SBNO2: variants seen among roughly 807,000 people sequenced by gnomAD.
SBNO2 encodes the protein strawberry notch homolog 2, also known as protein strawberry notch homolog 2.
Under a neutral mutation model 146.3 loss-of-function variants are expected in SBNO2, and 89 were observed. That is an observed-to-expected ratio of 0.61 (90% CI 0.51 to 0.73). The LOEUF (loss-of-function observed/expected upper bound fraction) is 0.73, where lower values mean the gene tolerates loss of function less well. SBNO2 is among the 30% of genes least tolerant of loss of function. The pLI is 0.00. For missense variants in SBNO2, 2,092 were observed against 2,003.7 expected (o/e 1.04, Z -0.84); for synonymous variants, 1,147 against 892.6 (o/e 1.29, Z -5.08).
rs1329975737 is a variant in SBNO2 at position 1,114,377 on chromosome 19, T to G, written c.1931A>C (p.Glu644Ala). The G allele has an allele frequency of 6.4e-7, 1 of 1,554,272 alleles. No homozygotes were observed. Among genetic ancestry groups the G allele is most frequent in the Admixed American group, 1.9e-5 (1 of 51,930 alleles). Residue 644 changes from glutamate to alanine, a missense_variant, in exon 18 of 32, where the codon GAG (glutamate) becomes GCG (alanine). By Grantham distance (107) the Glu-to-Ala change is moderately radical. Transcript: ENST00000361757. The part of the protein sequence containing the change: ...RGAKAPRLAC[E>A]TAGVIRISDD... Reference sequence around the variant, plus strand: ...ACTGATGCGGATGACGCCCGCTGTCTCGCACGCCAGCCGGGGGGCTTTGGC... The same window carrying G: ...ACTGATGCGGATGACGCCCGCTGTCGCGCACGCCAGCCGGGGGGCTTTGGC...
chr19:1,169,495 C>T (rs1456701777), intron 1 of SBNO2, among the ~76,000 whole-genome samples: 5 of 152,220 alleles, frequency 3.3e-5, no homozygotes, highest in Admixed American at 2.6e-4. Flanking sequence ...CCAAGAGCCC[C>T]GTAGGGCCCC....
chr19:1,164,867 GA>G (rs2080394764), intron 1 of SBNO2, among the ~76,000 whole-genome samples: 1 of 115,508 alleles, frequency 8.7e-6, no homozygotes, highest in Non-Finnish European at 1.8e-5. Context: ...GGAGGAGGAG[GA>G]ACAGGAGGAG....
Position 1,144,937 on chromosome 19 carries a change from G to GAGAGGGAGACAGAGACAA in SBNO2, c.279+2354_279+2371dup, listed in dbSNP as rs1474569625. Among the ~76,000 whole-genome samples, 1 of 151,018 alleles carries GAGAGGGAGACAGAGACAA rather than the reference G, an allele frequency of 6.6e-6. No homozygotes were observed. Among genetic ancestry groups the GAGAGGGAGACAGAGACAA allele is most frequent in the Non-Finnish European group, 1.5e-5 (1 of 67,770 alleles). ...AGACAGAGACAGAGAGACAGAGACA[G>GAGAGGGAGACAGAGACAA]AGAGGGAGACAGAGACAAAGAGGGA... On this transcript the variant is annotated intron_variant, in intron 4 of 31. Coordinates refer to ENST00000361757, the MANE Select transcript of SBNO2 (RefSeq NM_014963.3). The surrounding 1 kb of genome is among the most constrained non-coding windows in gnomAD (Gnocchi z 4.1).
chr19:1,110,907 A>G lies in SBNO2; in HGVS notation c.2885-19T>C. On this transcript the variant is annotated intron_variant, in intron 25 of 31. Transcript: ENST00000361757. This position sits in a 1 kb window ranked among gnomAD's most constrained non-coding sequence, Gnocchi z 4.9. ...GAACAGTCTGGTAGGGGAGGGAGCCAAGCCTCAGGCTGCGCTGGGAATCCC... is the reference window on the plus strand; with the variant it reads ...GAACAGTCTGGTAGGGGAGGGAGCCGAGCCTCAGGCTGCGCTGGGAATCCC... 1 of 1,612,598 alleles carries G rather than the reference A, an allele frequency of 6.2e-7. No individual in the cohort carries two copies. Among genetic ancestry groups the G allele is most frequent in the Non-Finnish European group, 8.5e-7 (1 of 1,178,888 alleles).
chr19:1,119,810 G>A (rs567505170), intron 12 of SBNO2, 96 bp downstream of exon 12: 102 of 1,040,894 alleles, frequency 9.8e-5, no homozygotes, highest in Non-Finnish European at 1.3e-4. Context: ...GGGTGCAGAC[G>A]GAGGCTGAGT....
chr19:1,116,938 C>T lies in SBNO2; in HGVS notation c.1705-12G>A. 1 of 1,541,920 alleles carries T rather than the reference C, an allele frequency of 6.5e-7. No homozygotes were observed. The highest frequency in any genetic ancestry group is 8.7e-7 in the Non-Finnish European group (1 of 1,149,426). On this transcript the variant is annotated splice_polypyrimidine_tract_variant and intron_variant, in intron 15 of 31. Transcript: ENST00000361757. ...CCGATGACCACGCACTGTGGGACGG[C>T]AGAGGACTGTGAGCCACCAGCCCTG... is the stretch of plus-strand genomic sequence containing the variant.
intron 4 of SBNO2, among the ~76,000 whole-genome samples, chr19:1,135,014 C>G (rs1199528504): frequency 7.3e-6 from 1 of 137,496 alleles, no homozygotes; most frequent in African/African-American, 2.9e-5. Context: ...CCACTGCACT[C>G]TAGCCTGGGC....
At position 1,126,407 on chromosome 19, in the gene SBNO2, C is replaced by T. The variant is rs1267480993; in HGVS notation, c.441+1197G>A. Among the ~76,000 whole-genome samples the T allele has an allele frequency of 6.6e-6, 1 of 152,166 alleles. No individual in the cohort carries two copies. The highest frequency in any genetic ancestry group is 1.5e-5 in the Non-Finnish European group (1 of 68,022). On this transcript the variant is annotated intron_variant, in intron 5 of 31. Coordinates refer to ENST00000361757, the MANE Select transcript of SBNO2 (RefSeq NM_014963.3). This position sits in a 1 kb window ranked among gnomAD's most constrained non-coding sequence, Gnocchi z 4.4. Reference sequence around the variant, plus strand: ...GCCGGCCACAGCAGGCCGGTCAGGCCCTGGCTTCTTTCCTCACGCCCTGCT... The same window carrying T: ...GCCGGCCACAGCAGGCCGGTCAGGCTCTGGCTTCTTTCCTCACGCCCTGCT...
At chr19:1,127,567 T>C in intron 5 of SBNO2, 37 bp downstream of exon 5, 1 of 1,597,736 alleles carries the variant, frequency 6.3e-7, no homozygotes, top group South Asian at 1.1e-5. Flanking sequence ...GCCACGCTGG[T>C]GGGTCGGGGC....
At position 1,110,182 on chromosome 19, in the gene SBNO2, C is replaced by T. The variant is rs949411097; in HGVS notation, c.3029-405G>A. 5.9e-5 allele frequency among the ~76,000 whole-genome samples: 9 copies of T among 152,050 alleles called. No homozygotes were observed. Among genetic ancestry groups the T allele is most frequent in the African/African-American group, 2.2e-4 (9 of 41,384 alleles). On this transcript the variant is annotated intron_variant, in intron 26 of 31. Coordinates refer to ENST00000361757, the MANE Select transcript of SBNO2 (RefSeq NM_014963.3). This position sits in a 1 kb window ranked among gnomAD's most constrained non-coding sequence, Gnocchi z 4.9. ...AGCAGGCTGTGGGGGATCGTGGGAG[C>T]CTGGTTGGCTGCGGCACTGCTCATG...
chr19:1,124,206 C>T (rs541147464), intron 5 of SBNO2, 184 bp from the exon 6 acceptor site: 20 of 640,718 alleles, frequency 3.1e-5, no homozygotes, highest in Non-Finnish European at 5.5e-5. Context: ...CCTCCCAAGC[C>T]TCCCCAGTGG....
chr19:1,112,762 CCCCTCTGTGCCTCTTGGGT>C lies in SBNO2; in HGVS notation c.2379+37_2379+55del. The C allele has an allele frequency of 2.0e-6, 3 of 1,513,458 alleles. No individual in the cohort carries two copies. Among genetic ancestry groups the C allele is most frequent in the South Asian group, 2.5e-5 (2 of 81,292 alleles). 93.8% of individuals were successfully genotyped at this position (1,513,458 alleles called of 1,614,324 possible). A position where few individuals can be genotyped will look rare whatever the true frequency, so the allele number is the denominator to read the frequency against. On this transcript the variant is annotated intron_variant, in intron 20 of 31. Transcript: ENST00000361757. This position sits in a 1 kb window ranked among gnomAD's most constrained non-coding sequence, Gnocchi z 5.9. The stretch of plus-strand genomic sequence containing the variant: ...TCCACAGTCCCCGGGGACCCTTGGG[CCCCTCTGTGCCTCTTGGGT>C]CCCGTGGGCCGCGCCCAGTGCACTG...
intron 4 of SBNO2, among the ~76,000 whole-genome samples, chr19:1,134,775 C>T (rs1251616631): frequency 1.3e-5 from 2 of 152,072 alleles, no homozygotes; most frequent in Admixed American, 1.3e-4. Context: ...GGGCCCGGCA[C>T]GGTGGCTTAC....
In SBNO2 at chr19:1,158,805, C is replaced by G. The variant is rs2080316359; in HGVS notation, c.-126-4403G>C. ...CCCCGGGTGTCCCGGGAACCCCGCACAGAGCCACGGCCATAAGACAGAGCG... is the reference window on the plus strand; with the variant it reads ...CCCCGGGTGTCCCGGGAACCCCGCAGAGAGCCACGGCCATAAGACAGAGCG... On this transcript the variant is annotated intron_variant, in intron 1 of 31. Transcript: ENST00000361757. The surrounding 1 kb of genome is among the most constrained non-coding windows in gnomAD (Gnocchi z 9.9). Among the ~76,000 whole-genome samples, 1 of 152,184 alleles carries G rather than the reference C, an allele frequency of 6.6e-6. No homozygotes were observed. The highest frequency in any genetic ancestry group is 1.5e-5 in the Non-Finnish European group (1 of 68,022).
chr19:1,147,439 G>GGGGGCC lies in SBNO2; in HGVS notation c.168-20_168-19insGGCCCC. ...GAACGGGCTGGAGGGAGATGGGGGG[G>GGGGGCC]GGGGAGGTGAGATGGGGTGCTCAAC... On this transcript the variant is annotated intron_variant, in intron 3 of 31. Coordinates refer to ENST00000361757, the MANE Select transcript of SBNO2 (RefSeq NM_014963.3). 1 of 1,265,270 alleles carries GGGGGCC rather than the reference G, an allele frequency of 7.9e-7. No homozygotes were observed. The highest frequency in any genetic ancestry group is 1.1e-6 in the Non-Finnish European group (1 of 922,486). 78.4% of individuals were successfully genotyped at this position (1,265,270 alleles called of 1,614,324 possible).
At chr19:1,128,504 T>G (rs1160017823) in intron 4 of SBNO2, among the ~76,000 whole-genome samples, 1 of 151,906 alleles carries the variant, frequency 6.6e-6, no homozygotes, top group Non-Finnish European at 1.5e-5. Flanking sequence ...GCGATTCTCC[T>G]GCCTCAGCCT....
rs569355397 is a variant in SBNO2 at position 1,169,303 on chromosome 19, C to T, written c.-127+4869G>A. On this transcript the variant is annotated intron_variant, in intron 1 of 31. Transcript: ENST00000361757. ...CCAGGGCAAGAGGCCCAGGGGAATC[C>T]GCAGGAGAGCCAGGGCACAGGGCAC... Among the ~76,000 whole-genome samples the T allele has an allele frequency of 6.6e-5, 10 of 152,340 alleles. No individual in the cohort carries two copies. The South Asian group carries it at 1.0e-3, about 16-fold the overall frequency.
chr19:1,111,178 G>C, intron 24 of SBNO2, 85 bp from the exon 25 acceptor site: 1 of 1,422,328 alleles, frequency 7.0e-7, no homozygotes, highest in Non-Finnish European at 9.4e-7. Context: ...GAGACCAGCA[G>C]CTCCCTGGGG....
chr19:1,166,068 C>A (rs1167049414), intron 1 of SBNO2, among the ~76,000 whole-genome samples: 1 of 110,558 alleles, frequency 9.0e-6, no homozygotes, highest in Non-Finnish European at 2.0e-5. Context: ...ACCCCAGACC[C>A]CCAGATCTCA....
Sources: gnomAD v4.1 joint callset for allele counts (sites outside exome capture counted in the v4.1 genomes callset) on GRCh38, gnomAD v4.1.1 for gene constraint, Gnocchi (gnomAD v3.1) non-coding constraint, MANE v1.5 for transcripts, NCBI Gene and HGNC (gene_info 2026-07-23, HGNC 2026-07-21) for gene names.